The following ARHGAP24 variants were observed in gnomAD, a reference collection of about 807,000 sequenced individuals.
ARHGAP24 encodes Rho GTPase activating protein 24, also known as rho GTPase-activating protein 24.
Under a neutral mutation model 76.4 loss-of-function variants are expected in ARHGAP24, and 50 were observed. The observed-to-expected ratio is 0.65, with a 90% CI of 0.52 to 0.83. The LOEUF is 0.83. ARHGAP24 is among the 40% of genes least tolerant of loss of function. The pLI is 0.00. For missense variants in ARHGAP24, 930 were observed against 914.2 expected (o/e 1.02, Z -0.22); for synonymous variants, 345 against 323.3 (o/e 1.07, Z -0.72).
intron 1 of ARHGAP24, among the ~76,000 whole-genome samples, chr4:85,559,352 T>C (rs182958065): frequency 1.2e-4 from 18 of 152,354 alleles, no homozygotes; most frequent in African/African-American, 4.3e-4. Context: ...ACATACATTC[T>C]GGAATGGCTA....
At chr4:85,477,230 T>A (rs1722635379) in intron 1 of ARHGAP24, among the ~76,000 whole-genome samples, 1 of 152,208 alleles carries the variant, frequency 6.6e-6, no homozygotes, top group Non-Finnish European at 1.5e-5. Flanking sequence ...GGAGGGGCTG[T>A]TGAAACTCAG....
intron 3 of ARHGAP24, among the ~76,000 whole-genome samples, chr4:85,782,892 A>C (rs116410475): frequency 1.3e-3 from 197 of 152,292 alleles, no homozygotes; most frequent in African/African-American, 4.5e-3. Context: ...AATGACTATT[A>C]CTTTCAAACC....
intron 2 of ARHGAP24, among the ~76,000 whole-genome samples, chr4:85,701,190 C>T (rs11731040): frequency 0.14 from 20,752 of 152,154 alleles, 1,850 homozygotes; most frequent in East Asian, 0.33. Context: ...TTTCTTCTTG[C>T]GTATGGCCAC....
intron 3 of ARHGAP24, among the ~76,000 whole-genome samples, chr4:85,725,399 T>C (rs1277798622): frequency 1.3e-5 from 2 of 152,220 alleles, no homozygotes; most frequent in African/African-American, 4.8e-5. Flanking sequence ...TCCTGTTGCA[T>C]AGGACCTTTT....
At chr4:85,726,211 A>T (rs79658801) in intron 3 of ARHGAP24, among the ~76,000 whole-genome samples, 18 of 150,708 alleles carry the variant, frequency 1.2e-4, no homozygotes, top group Non-Finnish European at 2.2e-4. Flanking sequence ...TCAGCTTAGA[A>T]TGTGGAGTTT....
rs33974767 is a variant in ARHGAP24 at position 85,839,843 on chromosome 4, C to CTTTTTTTTTT, written c.269-83790_269-83781dup. ...CTACCAAGTGTCTTTTTTCTGTTTT[C>CTTTTTTTTTT]TTTTTTTTTTTTTTTTTTTTTTTTG... On this transcript the variant is annotated intron_variant, in intron 3 of 9. Coordinates refer to ENST00000395184, the MANE Select transcript of ARHGAP24 (RefSeq NM_001025616.3). Among the ~76,000 whole-genome samples the CTTTTTTTTTT allele has an allele frequency of 3.2e-4, 34 of 105,626 alleles. 2 individuals carry two copies. The highest frequency in any genetic ancestry group is 5.0e-4 in the Non-Finnish European group (28 of 55,646). 69.3% of individuals were successfully genotyped at this position (105,626 alleles called of 152,430 possible).
In ARHGAP24 at chr4:85,506,516, T is replaced by A. The variant is rs573564336; in HGVS notation, c.-21+30957T>A. 2.3e-3 allele frequency among the ~76,000 whole-genome samples: 349 copies of A among 152,290 alleles called. 1 individual carries two copies. The highest frequency in any genetic ancestry group is 3.1e-3 in the Non-Finnish European group (209 of 68,016). ...CAATCTCATACTGCTGCGCTAGCAG[T>A]GAGCAAGGCTCTGTGGGCATGGGAC... On this transcript the variant is annotated intron_variant, in intron 1 of 9. Coordinates refer to ENST00000395184, the MANE Select transcript of ARHGAP24 (RefSeq NM_001025616.3).
chr4:85,618,816 A>T (rs1300140988), intron 2 of ARHGAP24, among the ~76,000 whole-genome samples: 3 of 151,880 alleles, frequency 2.0e-5, no homozygotes, highest in African/African-American at 7.2e-5. Context: ...CCCGTTTTTA[A>T]TTGAGTAATT....
chr4:85,874,938 T>TAATATATTTTTATATAATTTATATATA (rs1732775800), intron 3 of ARHGAP24, among the ~76,000 whole-genome samples: 3 of 11,536 alleles, frequency 2.6e-4, no homozygotes, highest in African/African-American at 3.7e-4. Context: ...AATTTATATA[T>TAATATATTTTTATATAATTTATATATA]AATATATTTT....
chr4:85,792,142 C>CT (rs199782257), intron 3 of ARHGAP24, among the ~76,000 whole-genome samples: 10 of 139,802 alleles, frequency 7.2e-5, no homozygotes, highest in South Asian at 6.5e-4. Context: ...AACAATCAGG[C>CT]TTTTTTTTAA....
intron 2 of ARHGAP24, among the ~76,000 whole-genome samples, chr4:85,572,868 T>C (rs1014805217): frequency 9.3e-5 from 14 of 150,538 alleles, no homozygotes; most frequent in African/African-American, 2.4e-4. Flanking sequence ...TTATTCTTTT[T>C]TCTTTCTTTT....
intron 2 of ARHGAP24, among the ~76,000 whole-genome samples, chr4:85,630,498 G>C (rs1456256546): frequency 1.3e-5 from 2 of 152,128 alleles, no homozygotes; most frequent in Non-Finnish European, 2.9e-5. Flanking sequence ...GGCTTTGGCA[G>C]GATAAACGTT....
Position 85,994,572 on chromosome 4 carries a change from T to C in ARHGAP24, c.929-11T>C, listed in dbSNP as rs1187710260. On this transcript the variant is annotated splice_polypyrimidine_tract_variant and intron_variant, in intron 8 of 9. Transcript: ENST00000395184. The stretch of plus-strand genomic sequence containing the variant: ...CTCACTCATGCTACTTTATGTTCTA[T>C]GCAATTCTAGGCACTGTGGTGGTCC... 6.2e-7 allele frequency: 1 copy of C among 1,613,276 alleles called. No individual in the cohort carries two copies. The highest frequency in any genetic ancestry group is 1.7e-5 in the Admixed American group (1 of 60,006).
At chr4:85,661,351 G>A (rs551820484) in intron 2 of ARHGAP24, among the ~76,000 whole-genome samples, 1 of 152,150 alleles carries the variant, frequency 6.6e-6, no homozygotes, top group Non-Finnish European at 1.5e-5. Context: ...TTTTCTCTGA[G>A]TGGTGAAAAC....
intron 2 of ARHGAP24, among the ~76,000 whole-genome samples, chr4:85,700,832 T>A (rs1336263060): frequency 1.3e-5 from 2 of 152,220 alleles, no homozygotes; most frequent in African/African-American, 2.4e-5. Flanking sequence ...GGAAAATCAC[T>A]CTATTTTTGA....
intron 3 of ARHGAP24, among the ~76,000 whole-genome samples, chr4:85,866,105 A>G (rs958688280): frequency 6.6e-6 from 1 of 152,134 alleles, no homozygotes; most frequent in Non-Finnish European, 1.5e-5. Context: ...GGTTCACACT[A>G]CATTTATCAG....
intron 1 of ARHGAP24, among the ~76,000 whole-genome samples, chr4:85,513,537 C>T (rs950769237): frequency 5.3e-5 from 8 of 150,192 alleles, no homozygotes; most frequent in Non-Finnish European, 7.4e-5. Context: ...ACACTCTCCA[C>T]TTAGAATGAT....
chr4:85,623,522 G>T (rs371384117), intron 2 of ARHGAP24, among the ~76,000 whole-genome samples: 3 of 152,142 alleles, frequency 2.0e-5, no homozygotes, highest in South Asian at 2.1e-4. Context: ...AGTCAGGTAG[G>T]GTGATGCCTC....
At chr4:85,768,638 T>C (rs1727018137) in intron 3 of ARHGAP24, among the ~76,000 whole-genome samples, 1 of 151,812 alleles carries the variant, frequency 6.6e-6, no homozygotes, top group Non-Finnish European at 1.5e-5. Context: ...ATTAGCCGGG[T>C]GTGGTGGCGC....
Sources: allele counts gnomAD v4.1 joint callset (sites outside exome capture counted in the v4.1 genomes callset), GRCh38; gene constraint gnomAD v4.1.1; transcripts MANE v1.5; gene names NCBI Gene and HGNC (gene_info 2026-07-23, HGNC 2026-07-21).